Variants in PTPRN2 observed in about 807,000 individuals in gnomAD.
PTPRN2 encodes receptor-type tyrosine-protein phosphatase N2.
A neutral mutation model predicts 118.8 loss-of-function variants in PTPRN2; 74 were observed. That is an observed-to-expected ratio of 0.62 (90% CI 0.52 to 0.76). The LOEUF (loss-of-function observed/expected upper bound fraction) is 0.76. PTPRN2 is among the 30% of genes least tolerant of loss of function. The pLI, the probability that PTPRN2 is intolerant of heterozygous loss-of-function variation, is 0.00. For missense variants in PTPRN2, 1,481 were observed against 1,394.4 expected, an observed-to-expected ratio of 1.06 and a Z score of -0.99; for synonymous variants, 641 against 608.0, an observed-to-expected ratio of 1.05 and a Z score of -0.80.
At chr7:158,538,697 G>A (rs1186542211) in intron 1 of PTPRN2, among the ~76,000 whole-genome samples, 1 of 152,068 alleles carries the variant, frequency 6.6e-6, no homozygotes, top group Non-Finnish European at 1.5e-5. Flanking sequence ...CTGCACTACG[G>A]ACACCCCAGC....
At position 157,827,444 on chromosome 7, in the gene PTPRN2, G is replaced by C. The variant is rs552209181; in HGVS notation, c.1788+71229C>G. Among the ~76,000 whole-genome samples, 4 of 152,050 alleles carry C rather than the reference G, an allele frequency of 2.6e-5. No homozygotes were observed. The South Asian group carries it at 6.2e-4, about 24-fold the overall frequency. ...CCGTGGCTGTCTGGAGGCCAAGCTC[G>C]ATCAGAATGTCCCTGGGCACTGTCT... On this transcript the variant is annotated intron_variant, in intron 12 of 22. Coordinates refer to ENST00000389418, the MANE Select transcript of PTPRN2 (RefSeq NM_002847.5).
intron 11 of PTPRN2, among the ~76,000 whole-genome samples, chr7:157,930,423 T>C (rs1444428154): frequency 2.6e-5 from 4 of 152,176 alleles, no homozygotes; most frequent in African/African-American, 9.7e-5. Context: ...TTTAGCTCCT[T>C]TGTGGGGTGC....
intron 6 of PTPRN2, among the ~76,000 whole-genome samples, chr7:158,142,724 A>G (rs1819505065): frequency 6.6e-6 from 1 of 152,136 alleles, no homozygotes; most frequent in African/African-American, 2.4e-5. Flanking sequence ...TCAGGAAAAT[A>G]CATCTCACTT....
intron 12 of PTPRN2, among the ~76,000 whole-genome samples, chr7:157,786,906 C>T (rs1030390672): frequency 3.9e-5 from 6 of 152,316 alleles, no homozygotes; most frequent in Admixed American, 3.9e-4. Flanking sequence ...GCAGCTCTGG[C>T]ACATCCCACA....
intron 5 of PTPRN2, among the ~76,000 whole-genome samples, chr7:158,173,750 G>A (rs1039527341): frequency 6.6e-6 from 1 of 152,130 alleles, no homozygotes; most frequent in African/African-American, 2.4e-5. Context: ...CCTACCCCTG[G>A]GAATGCATTC....
At chr7:157,782,992 T>C (rs1803775916) in intron 12 of PTPRN2, among the ~76,000 whole-genome samples, 1 of 152,160 alleles carries the variant, frequency 6.6e-6, no homozygotes, top group Non-Finnish European at 1.5e-5. Flanking sequence ...TGGGAGGTAA[T>C]TGCATCACAG....
chr7:158,564,531 C>T (rs1164292027), intron 1 of PTPRN2, among the ~76,000 whole-genome samples: 3 of 152,250 alleles, frequency 2.0e-5, no homozygotes, highest in Non-Finnish European at 4.4e-5. Flanking sequence ...GGAACCAACA[C>T]GAAGCAGCAC....
chr7:157,928,952 C>A (rs1799193324), intron 11 of PTPRN2, among the ~76,000 whole-genome samples: 1 of 152,052 alleles, frequency 6.6e-6, no homozygotes, highest in African/African-American at 2.4e-5. Context: ...GGACAGGCTG[C>A]AGATGATGCT....
In PTPRN2 at chr7:157,785,805, G is replaced by A. The variant is rs1376917357; in HGVS notation, c.1789-102868C>T. Among the ~76,000 whole-genome samples, 2 of 152,306 alleles carry A rather than the reference G, an allele frequency of 1.3e-5. No homozygotes were observed. Among genetic ancestry groups the A allele is most frequent in the Non-Finnish European group, 2.9e-5 (2 of 68,020 alleles). The stretch of plus-strand genomic sequence containing the variant: ...GCCACGCCCGGCTGGGAGCTGAGAC[G>A]CGCAGGGGGCCCAGCTGAAGCCTGC... On this transcript the variant is annotated intron_variant, in intron 12 of 22. Transcript: ENST00000389418. This position sits in a 1 kb window ranked among gnomAD's most constrained non-coding sequence, Gnocchi z 7.3.
In PTPRN2 at chr7:157,779,349, G is replaced by T. The variant is rs943621241; in HGVS notation, c.1789-96412C>A. On this transcript the variant is annotated intron_variant, in intron 12 of 22. Transcript: ENST00000389418. This position sits in a 1 kb window ranked among gnomAD's most constrained non-coding sequence, Gnocchi z 4.7. ...TGAGGTGAAAGGTCACGTGCTGGTC[G>T]CTTGTGCTGAGCAAGGCCTTGCTTC... 6.6e-6 allele frequency among the ~76,000 whole-genome samples: 1 copy of T among 152,164 alleles called. No homozygotes were observed. Among genetic ancestry groups the T allele is most frequent in the African/African-American group, 2.4e-5 (1 of 41,432 alleles).
intron 2 of PTPRN2, among the ~76,000 whole-genome samples, chr7:158,369,922 AG>A (rs1459393181): frequency 3.9e-5 from 6 of 152,242 alleles, no homozygotes; most frequent in Non-Finnish European, 8.8e-5. Flanking sequence ...AGACAGACTG[AG>A]AAGGAAGTCT....
intron 6 of PTPRN2, among the ~76,000 whole-genome samples, chr7:158,145,481 T>C (rs1260848643): frequency 1.3e-5 from 2 of 151,858 alleles, no homozygotes; most frequent in African/African-American, 4.8e-5. Context: ...GAATGTAGAG[T>C]TTGGGGAACT....
intron 3 of PTPRN2, 28 bp downstream of exon 3, chr7:158,316,791 G>T: frequency 6.5e-7 from 1 of 1,548,026 alleles, no homozygotes; most frequent in Non-Finnish European, 8.7e-7. Context: ...TGCGGCAGCC[G>T]CCGAGCCTCG....
intron 2 of PTPRN2, among the ~76,000 whole-genome samples, chr7:158,409,058 T>C (rs1014429614): frequency 2.0e-5 from 3 of 152,134 alleles, no homozygotes; most frequent in Admixed American, 2.0e-4. Context: ...CAGTGCTTTA[T>C]GTACACAATC....
At chr7:157,795,239 AG>A in intron 12 of PTPRN2, among the ~76,000 whole-genome samples, 1 of 151,154 alleles carries the variant, frequency 6.6e-6, no homozygotes, top group African/African-American at 2.4e-5. Context: ...TCAAGCTCAA[AG>A]CCCCCTCACC....
At position 157,587,017 on chromosome 7, in the gene PTPRN2, T is replaced by C. The variant is rs553164308; in HGVS notation, c.2496+8221A>G. 4.6e-5 allele frequency among the ~76,000 whole-genome samples: 7 copies of C among 152,350 alleles called. No homozygotes were observed. The highest frequency in any genetic ancestry group is 8.8e-5 in the Non-Finnish European group (6 of 68,014). ...ATGGTGATGCCTGCAGTGGTCATCC[T>C]GGGCTGATCAAGGAAGCTGCCCAGA... On this transcript the variant is annotated intron_variant, in intron 17 of 22. Coordinates refer to ENST00000389418, the MANE Select transcript of PTPRN2 (RefSeq NM_002847.5). The surrounding 1 kb of genome is among the most constrained non-coding windows in gnomAD (Gnocchi z 5.3).
At chr7:158,001,354 C>T (rs1295696739) in intron 11 of PTPRN2, among the ~76,000 whole-genome samples, 1 of 151,590 alleles carries the variant, frequency 6.6e-6, no homozygotes, top group Non-Finnish European at 1.5e-5. Flanking sequence ...TCCACACTCA[C>T]AGCAACCCAG....
At chr7:157,637,180 T>G (rs1337211657) in intron 14 of PTPRN2, among the ~76,000 whole-genome samples, 1 of 152,154 alleles carries the variant, frequency 6.6e-6, no homozygotes, top group Non-Finnish European at 1.5e-5. Context: ...AAGCCATGAG[T>G]TACTTAAAAA....
intron 2 of PTPRN2, among the ~76,000 whole-genome samples, chr7:158,444,282 CTG>C (rs1429615847): frequency 6.6e-6 from 1 of 152,282 alleles, no homozygotes; most frequent in African/African-American, 2.4e-5. Flanking sequence ...CCATCACAGA[CTG>C]TGCTCGGGAA....
Sources: allele counts gnomAD v4.1 joint callset (sites outside exome capture counted in the v4.1 genomes callset), GRCh38; gene constraint gnomAD v4.1.1; non-coding constraint Gnocchi (gnomAD v3.1); transcripts MANE v1.5; gene names NCBI Gene and HGNC (gene_info 2026-07-23, HGNC 2026-07-21).